CHIC1: variants seen among roughly 807,000 people sequenced by gnomAD.
CHIC1 encodes cysteine rich hydrophobic domain 1, also known as cysteine-rich hydrophobic domain-containing protein 1.
Under a neutral mutation model 18.5 loss-of-function variants are expected in CHIC1, and 7 were observed. The ratio of observed to expected loss-of-function variants is 0.38; its 90% CI spans 0.22 to 0.71. The LOEUF (loss-of-function observed/expected upper bound fraction) is 0.71. Among genes scored for constraint, CHIC1 ranks in the 30% least tolerant of loss-of-function variants. The probability of loss-of-function intolerance (pLI) is 0.49; values close to 1 mark genes in which losing one functional copy is unlikely to be tolerated. For synonymous variants in CHIC1, 77 were observed against 73.5 expected (o/e 1.05, Z -0.25); for missense variants, 159 against 176.9 (o/e 0.90, Z 0.57).
At chrX:73,567,583 A>T (rs1333262610) in intron 1 of CHIC1, among the ~76,000 whole-genome samples, 2 of 110,757 alleles carry the variant, frequency 1.8e-5, no homozygotes, top group Non-Finnish European at 3.8e-5. Context: ...TGTCATCCTC[A>T]CATCCATCCT....
At chrX:73,588,903 A>G (rs553897096) in intron 3 of CHIC1, among the ~76,000 whole-genome samples, 35 of 109,148 alleles carry the variant, frequency 3.2e-4, no homozygotes, top group African/African-American at 1.1e-3. Flanking sequence ...TAATGTCCCT[A>G]TTTTCATTTC....
At chrX:73,619,153 C>A (rs902955736) in intron 3 of CHIC1, among the ~76,000 whole-genome samples, 2 of 111,967 alleles carry the variant, frequency 1.8e-5, no homozygotes, top group Admixed American at 9.5e-5. Flanking sequence ...AGGTTTTGGG[C>A]TGTCTCCCGG....
rs752951188 is a variant in CHIC1, at chrX:73,572,552, G to T, written c.297-4855G>T. Among the ~76,000 whole-genome samples the T allele has an allele frequency of 6.3e-5, 7 of 111,385 alleles. No individual in the cohort carries two copies. In the South Asian group the frequency reaches 1.9e-3, roughly 29 times the overall value. ...AGAAATCTCCAAACTGCTTTCTACA[G>T]TAGCTGAAATAATTTAAATTCCCAC... On this transcript the variant is annotated intron_variant, in intron 1 of 5. Transcript: ENST00000373502.
intron 3 of CHIC1, among the ~76,000 whole-genome samples, chrX:73,670,413 G>A (rs2058024321): frequency 9.0e-6 from 1 of 110,601 alleles, no homozygotes; most frequent in African/African-American, 3.3e-5. Context: ...CTGATGGTTT[G>A]TCTACTTTAT....
intron 3 of CHIC1, among the ~76,000 whole-genome samples, chrX:73,596,346 A>G (rs138542131): frequency 1.9e-3 from 210 of 111,428 alleles, no homozygotes; most frequent in Middle Eastern, 4.7e-3. Context: ...CTTTAGTGAG[A>G]GCTACAAACC....
At chrX:73,586,383 G>A (rs935079261) in intron 3 of CHIC1, among the ~76,000 whole-genome samples, 1 of 111,659 alleles carries the variant, frequency 9.0e-6, no homozygotes, top group African/African-American at 3.2e-5. Context: ...GCAAGTCACT[G>A]TTCTTTCTGT....
chrX:73,646,143 C>T (rs918189804), intron 3 of CHIC1, among the ~76,000 whole-genome samples: 1 of 111,570 alleles, frequency 9.0e-6, no homozygotes, highest in Non-Finnish European at 1.9e-5. Context: ...ATTAAAGAGA[C>T]TGTCCTTTCT....
chrX:73,679,854 T>C (rs914625537), intron 5 of CHIC1, 141 bp downstream of exon 5: 1 of 335,604 alleles, frequency 3.0e-6, no homozygotes, highest in Non-Finnish European at 5.2e-6. Context: ...TTTTCTTCTA[T>C]CTTCTTTAGA....
intron 3 of CHIC1, among the ~76,000 whole-genome samples, chrX:73,601,009 A>T (rs1001927172): frequency 9.2e-6 from 1 of 108,218 alleles, no homozygotes; most frequent in African/African-American, 3.6e-5. Flanking sequence ...ACAAGAGCTA[A>T]CTATCCTAAA....
intron 3 of CHIC1, among the ~76,000 whole-genome samples, chrX:73,612,536 T>G (rs920554325): frequency 1.8e-5 from 2 of 111,938 alleles, no homozygotes; most frequent in African/African-American, 6.5e-5. Flanking sequence ...AAGCAATGTT[T>G]TTATTTCATC....
At chrX:73,673,722 T>G (rs1316145366) in intron 3 of CHIC1, among the ~76,000 whole-genome samples, 1 of 111,887 alleles carries the variant, frequency 8.9e-6, no homozygotes, top group Admixed American at 9.5e-5. Context: ...CCTCTTTTCC[T>G]AATTGAATAC....
intron 3 of CHIC1, among the ~76,000 whole-genome samples, chrX:73,641,481 C>T (rs186420470): frequency 1.2e-3 from 135 of 110,786 alleles, no homozygotes; most frequent in African/African-American, 4.3e-3. Context: ...TGGTAACCAC[C>T]GTTCCACTCT....
chrX:73,571,811 T>G (rs1482660828), intron 1 of CHIC1, among the ~76,000 whole-genome samples: 1 of 111,334 alleles, frequency 9.0e-6, no homozygotes, highest in African/African-American at 3.3e-5. Context: ...ATACATAATA[T>G]AGTATATTTA....
At chrX:73,581,232 C>G (rs58250793) in intron 2 of CHIC1, among the ~76,000 whole-genome samples, 5,324 of 110,502 alleles carry the variant, frequency 0.048, 321 homozygotes, top group African/African-American at 0.16. Flanking sequence ...AGTCCTGCTG[C>G]GGTTTGCTTA....
chrX:73,656,110 T>C (rs781176761), intron 3 of CHIC1, among the ~76,000 whole-genome samples: 1 of 112,167 alleles, frequency 8.9e-6, no homozygotes, highest in East Asian at 2.8e-4. Flanking sequence ...TGTCTTCCTT[T>C]GAGAGGTGTC....
chrX:73,620,023 C>T (rs192812337), intron 3 of CHIC1, among the ~76,000 whole-genome samples: 5 of 111,875 alleles, frequency 4.5e-5, no homozygotes, highest in Admixed American at 9.5e-5. Flanking sequence ...CATGTCCCTA[C>T]AAAGGATGAG....
At chrX:73,615,211 G>A (rs2057726835) in intron 3 of CHIC1, among the ~76,000 whole-genome samples, 2 of 111,426 alleles carry the variant, frequency 1.8e-5, no homozygotes, top group African/African-American at 6.5e-5. Flanking sequence ...AAGTTTTGCT[G>A]GGGATGACAA....
At chrX:73,616,580 C>T (rs185005538) in intron 3 of CHIC1, among the ~76,000 whole-genome samples, 10 of 111,823 alleles carry the variant, frequency 8.9e-5, no homozygotes, top group Middle Eastern at 4.6e-3. Flanking sequence ...TCTGCCTGAA[C>T]ATCCAGGCAT....
intron 3 of CHIC1, among the ~76,000 whole-genome samples, chrX:73,625,634 G>A (rs2057780051): frequency 9.0e-6 from 1 of 111,611 alleles, no homozygotes; most frequent in Admixed American, 9.5e-5. Context: ...TCAGCAGAGT[G>A]CAAGGCAGAT....
Sources: allele counts gnomAD v4.1 joint callset (sites outside exome capture counted in the v4.1 genomes callset), GRCh38; gene constraint gnomAD v4.1.1; transcripts MANE v1.5; gene names NCBI Gene and HGNC (gene_info 2026-07-23, HGNC 2026-07-21).